Variants in NDST3 observed in about 807,000 individuals in gnomAD.
NDST3 encodes N-deacetylase and N-sulfotransferase 3, also known as bifunctional heparan sulfate N-deacetylase/N-sulfotransferase 3.
A neutral mutation model predicts 96.1 loss-of-function variants in NDST3; 58 were observed. The ratio of observed to expected loss-of-function variants is 0.60; its 90% CI spans 0.49 to 0.75. The LOEUF is 0.75. Among genes scored for constraint, NDST3 ranks in the 30% least tolerant of loss-of-function variants. The pLI, the probability that NDST3 is intolerant of heterozygous loss-of-function variation, is 0.00. For synonymous variants in NDST3, 333 were observed against 359.7 expected (o/e 0.93, Z 0.84); for missense variants, 788 against 1,034.2 (o/e 0.76, Z 3.27).
intron 6 of NDST3, among the ~76,000 whole-genome samples, chr4:118,213,037 C>T (rs55920805): frequency 1.3e-5 from 2 of 152,258 alleles, no homozygotes; most frequent in Non-Finnish European, 2.9e-5. Context: ...TTCTACCTTC[C>T]TTATTAGTCT....
At chr4:118,204,076 G>A (rs1309283760) in intron 6 of NDST3, among the ~76,000 whole-genome samples, 1 of 152,104 alleles carries the variant, frequency 6.6e-6, no homozygotes, top group Non-Finnish European at 1.5e-5. Flanking sequence ...TCCAAACCTA[G>A]TTTCGATCAG....
At position 118,205,864 on chromosome 4, in the gene NDST3, G is replaced by A. The variant is rs971643435; in HGVS notation, c.1540-18627G>A. On this transcript the variant is annotated intron_variant, in intron 6 of 13. Transcript: ENST00000296499. Reference sequence around the variant, plus strand: ...TTTTTTTTTTTTGAGACGGAGTCTCGCTCTGTCACCCAGGCTGGAGTGCAG... The same window carrying A: ...TTTTTTTTTTTTGAGACGGAGTCTCACTCTGTCACCCAGGCTGGAGTGCAG... Among the ~76,000 whole-genome samples, 47 of 124,618 alleles carry A rather than the reference G, an allele frequency of 3.8e-4. 5 individuals carry two copies. In the East Asian group the frequency reaches 8.3e-3, roughly 22 times the overall value. 81.8% of individuals were successfully genotyped at this position (124,618 alleles called of 152,430 possible).
chr4:118,087,195 C>A (rs1578611205), intron 2 of NDST3, among the ~76,000 whole-genome samples: 1 of 152,066 alleles, frequency 6.6e-6, no homozygotes, highest in Non-Finnish European at 1.5e-5. Flanking sequence ...GTGGTGAAAT[C>A]GTGCATGCCT....
At chr4:118,245,688 A>T (rs1195643619) in intron 12 of NDST3, among the ~76,000 whole-genome samples, 1 of 152,188 alleles carries the variant, frequency 6.6e-6, no homozygotes, top group Admixed American at 6.5e-5. Context: ...AGAAATGCTG[A>T]GTAGGGAAAA....
At chr4:118,248,097 T>C (rs1273054707) in intron 12 of NDST3, among the ~76,000 whole-genome samples, 2 of 152,188 alleles carry the variant, frequency 1.3e-5, no homozygotes, top group African/African-American at 4.8e-5. Context: ...ACGCCTGTAA[T>C]CCTAACACTT....
At position 118,053,865 on chromosome 4, in the gene NDST3, T is replaced by G; in HGVS notation, c.-46T>G. 6.5e-7 allele frequency: 1 copy of G among 1,527,544 alleles called. No individual in the cohort carries two copies. The highest frequency in any genetic ancestry group is 8.8e-7 in the Non-Finnish European group (1 of 1,141,910). 94.6% of individuals were successfully genotyped at this position (1,527,544 alleles called of 1,614,324 possible). ...CTGGAACACCATCTTTTCTTTTAAC[T>G]TTTTATGGTGCTTCTGTTGGCATAG... On this transcript the variant is annotated 5_prime_UTR_variant, in exon 2 of 14. Coordinates refer to ENST00000296499, the MANE Select transcript of NDST3 (RefSeq NM_004784.3).
intron 6 of NDST3, among the ~76,000 whole-genome samples, chr4:118,222,601 T>A (rs1739624470): frequency 1.3e-5 from 2 of 151,976 alleles, no homozygotes; most frequent in South Asian, 4.1e-4. Flanking sequence ...AATATAAAAA[T>A]AGAATTGAAC....
chr4:118,228,301 T>A (rs1196594985), intron 8 of NDST3, among the ~76,000 whole-genome samples: 2 of 152,214 alleles, frequency 1.3e-5, no homozygotes, highest in African/African-American at 4.8e-5. Context: ...AACTAAACTC[T>A]CTTCAGTGAA....
At chr4:118,141,985 A>G (rs1197528674) in intron 5 of NDST3, among the ~76,000 whole-genome samples, 1 of 152,176 alleles carries the variant, frequency 6.6e-6, no homozygotes, top group East Asian at 1.9e-4. Context: ...TGTTAAATAA[A>G]TGAATAAATA....
At chr4:118,236,396 ATGACCT>A (rs1469012252) in intron 9 of NDST3, among the ~76,000 whole-genome samples, 3 of 152,190 alleles carry the variant, frequency 2.0e-5, no homozygotes, top group Non-Finnish European at 4.4e-5. Flanking sequence ...GATATAGAAC[ATGACCT>A]TGGGAAATTT....
At chr4:118,111,637 C>T (rs775169265) in intron 3 of NDST3, among the ~76,000 whole-genome samples, 12 of 151,236 alleles carry the variant, frequency 7.9e-5, no homozygotes, top group Non-Finnish European at 1.8e-4. Flanking sequence ...CCCGGGTTAA[C>T]GCCATTCTCC....
intron 6 of NDST3, among the ~76,000 whole-genome samples, chr4:118,217,914 C>T (rs1578829728): frequency 1.3e-5 from 2 of 152,064 alleles, no homozygotes; most frequent in African/African-American, 4.8e-5. Flanking sequence ...ATACTATAAA[C>T]ACCTCTACAC....
chr4:118,093,976 G>A (rs1040552566), intron 2 of NDST3, among the ~76,000 whole-genome samples: 8 of 151,862 alleles, frequency 5.3e-5, no homozygotes, highest in African/African-American at 1.7e-4. Flanking sequence ...TTTTCACATG[G>A]CAGAAGGGAT....
chr4:118,240,025 T>C (rs1740908643), intron 10 of NDST3, among the ~76,000 whole-genome samples: 2 of 152,054 alleles, frequency 1.3e-5, no homozygotes, highest in African/African-American at 2.4e-5. Flanking sequence ...TTTCAGATAA[T>C]GTACATGTCA....
At chr4:118,144,203 T>TG (rs1347613101) in intron 6 of NDST3, among the ~76,000 whole-genome samples, 2 of 151,654 alleles carry the variant, frequency 1.3e-5, no homozygotes, top group Admixed American at 1.3e-4. Context: ...TTTTTTGAGA[T>TG]GGAGTCTCAC....
intron 6 of NDST3, among the ~76,000 whole-genome samples, chr4:118,160,352 C>T (rs1304665909): frequency 6.6e-6 from 1 of 151,134 alleles, no homozygotes; most frequent in Non-Finnish European, 1.5e-5. Flanking sequence ...TGCACAACAA[C>T]AAAACTGTCA....
chr4:118,106,013 T>C (rs781227871), intron 3 of NDST3, among the ~76,000 whole-genome samples: 7 of 152,230 alleles, frequency 4.6e-5, no homozygotes, highest in Non-Finnish European at 8.8e-5. Flanking sequence ...GGTGAACATG[T>C]AGAGATATCA....
intron 4 of NDST3, among the ~76,000 whole-genome samples, chr4:118,128,137 T>A (rs775710456): frequency 1.3e-5 from 2 of 152,062 alleles, no homozygotes; most frequent in Non-Finnish European, 2.9e-5. Flanking sequence ...GAAACAAGGA[T>A]AATTTAACTG....
Position 118,129,592 on chromosome 4 carries a change from T to C in NDST3, c.1225-8462T>C, listed in dbSNP as rs530316867. Among the ~76,000 whole-genome samples, 4 of 152,224 alleles carry C rather than the reference T, an allele frequency of 2.6e-5. No homozygotes were observed. The East Asian group carries it at 7.7e-4, about 29-fold the overall frequency. On this transcript the variant is annotated intron_variant, in intron 4 of 13. Transcript: ENST00000296499. The stretch of plus-strand genomic sequence containing the variant: ...ATTTGTGTAAATGTTTTAACACTTG[T>C]TTTATGACCTAACATATGGTCTATC...
Sources: allele counts gnomAD v4.1 joint callset (sites outside exome capture counted in the v4.1 genomes callset), GRCh38; gene constraint gnomAD v4.1.1; transcripts MANE v1.5; gene names NCBI Gene and HGNC (gene_info 2026-07-23, HGNC 2026-07-21).